Variants in NSG2 observed in about 807,000 individuals in gnomAD.
The protein encoded by NSG2 is neuronal vesicle trafficking associated 2, also known as neuronal vesicle trafficking-associated protein 2.
Under a neutral mutation model 16.9 loss-of-function variants are expected in NSG2, and 4 were observed. The ratio of observed to expected loss-of-function variants is 0.24; its 90% CI spans 0.12 to 0.54. The LOEUF (loss-of-function observed/expected upper bound fraction) is 0.54. Ranked by LOEUF, NSG2 falls within the 20% of genes least tolerant of loss-of-function variation. The pLI is 0.95. For synonymous variants in NSG2, 98 were observed against 88.7 expected, an observed-to-expected ratio of 1.11 and a Z score of -0.59; for missense variants, 179 against 221.1, an observed-to-expected ratio of 0.81 and a Z score of 1.21.
At chr5:174,106,414 G>T (rs1365319812) in intron 4 of NSG2, among the ~76,000 whole-genome samples, 1 of 152,044 alleles carries the variant, frequency 6.6e-6, no homozygotes, top group Non-Finnish European at 1.5e-5. Context: ...ACCTTTGGTG[G>T]AGTGTATTCT....
In NSG2 at chr5:174,055,619, TA is replaced by T. The variant is rs1759957137; in HGVS notation, c.130-8607del. Among the ~76,000 whole-genome samples the T allele has an allele frequency of 2.0e-5, 3 of 151,832 alleles. No homozygotes were observed. The South Asian group carries it at 6.2e-4, about 32-fold the overall frequency. ...TGTCTCAAAAAAATAAAAATAAAAA[TA>T]AAAAAGTAAGTGGGGAGTTATAGAT... On this transcript the variant is annotated intron_variant, in intron 2 of 4. Transcript: ENST00000303177.
intron 3 of NSG2, among the ~76,000 whole-genome samples, chr5:174,097,631 CTGTG>C (rs369472574): frequency 9.8e-4 from 139 of 141,156 alleles, no homozygotes; most frequent in Non-Finnish European, 1.6e-3. Context: ...GTGTGTGTCT[CTGTG>C]TGTGTGTTTC....
intron 3 of NSG2, among the ~76,000 whole-genome samples, chr5:174,065,080 G>T (rs933312624): frequency 1.3e-5 from 2 of 152,030 alleles, no homozygotes; most frequent in Non-Finnish European, 2.9e-5. Context: ...TGTAATCCCA[G>T]CACTTTGGGA....
intron 3 of NSG2, among the ~76,000 whole-genome samples, chr5:174,067,286 G>A (rs1357274654): frequency 6.6e-6 from 1 of 152,146 alleles, no homozygotes; most frequent in Non-Finnish European, 1.5e-5. Flanking sequence ...CTATGGCTCC[G>A]AGAGGTGACA....
At chr5:174,047,093 A>C (rs934242386) in intron 2 of NSG2, among the ~76,000 whole-genome samples, 1 of 152,126 alleles carries the variant, frequency 6.6e-6, no homozygotes, top group Non-Finnish European at 1.5e-5. Context: ...TTTTTTGTTC[A>C]TATCTGCATA....
At chr5:174,099,473 C>T (rs1760866030) in intron 3 of NSG2, among the ~76,000 whole-genome samples, 1 of 152,164 alleles carries the variant, frequency 6.6e-6, no homozygotes, top group South Asian at 2.1e-4. Flanking sequence ...AGCCATCCCC[C>T]TGCAAACATG....
chr5:174,056,922 G>A (rs886523290), intron 2 of NSG2, among the ~76,000 whole-genome samples: 2 of 152,196 alleles, frequency 1.3e-5, no homozygotes, highest in African/African-American at 4.8e-5. Context: ...CCTTGCCAGT[G>A]ACACGGGAAT....
At chr5:174,046,354 C>CGG (rs60922236) in intron 1 of NSG2, among the ~76,000 whole-genome samples, 41 of 148,350 alleles carry the variant, frequency 2.8e-4, no homozygotes, top group Admixed American at 1.4e-3. Context: ...ATACTGCAGG[C>CGG]GGGGGGGGTG....
At chr5:174,055,412 T>C (rs1389672868) in intron 2 of NSG2, among the ~76,000 whole-genome samples, 1 of 149,654 alleles carries the variant, frequency 6.7e-6, no homozygotes, top group Non-Finnish European at 1.5e-5. Flanking sequence ...GCTAACACGG[T>C]GAAACCCCAT....
At chr5:174,067,276 C>T (rs1340803058) in intron 3 of NSG2, among the ~76,000 whole-genome samples, 2 of 152,194 alleles carry the variant, frequency 1.3e-5, no homozygotes, top group African/African-American at 2.4e-5. Context: ...ATATAATCCC[C>T]TATGGCTCCG....
chr5:174,087,718 G>A (rs1760653985), intron 3 of NSG2, among the ~76,000 whole-genome samples: 1 of 151,910 alleles, frequency 6.6e-6, no homozygotes, highest in Non-Finnish European at 1.5e-5. Context: ...TGCCTGGGAG[G>A]CTGAGGCTGC....
chr5:174,068,791 ATGGAAGG>A (rs1760187662), intron 3 of NSG2, among the ~76,000 whole-genome samples: 2 of 79,620 alleles, frequency 2.5e-5, no homozygotes, highest in Non-Finnish European at 4.9e-5. Flanking sequence ...TCCTGGTGCT[ATGGAAGG>A]TGCTGGTGCT....
chr5:174,066,000 G>T (rs1561664314), intron 3 of NSG2, among the ~76,000 whole-genome samples: 1 of 152,228 alleles, frequency 6.6e-6, no homozygotes, highest in Non-Finnish European at 1.5e-5. Context: ...TCTGGGAATT[G>T]AAGCGTATGC....
intron 3 of NSG2, among the ~76,000 whole-genome samples, chr5:174,068,490 C>T (rs1027454380): frequency 1.3e-5 from 2 of 151,972 alleles, no homozygotes; most frequent in African/African-American, 4.8e-5. Flanking sequence ...GGTGCTGGTG[C>T]TGTGGTGGGT....
At chr5:174,083,975 C>T (rs772973216) in intron 3 of NSG2, 1 of 152,164 alleles carries the variant, frequency 6.6e-6, no homozygotes, top group East Asian at 1.9e-4. Flanking sequence ...AATCAGTTTG[C>T]TTTTATCTTC....
At chr5:174,088,189 C>T (rs1317467849) in intron 3 of NSG2, among the ~76,000 whole-genome samples, 7 of 152,180 alleles carry the variant, frequency 4.6e-5, no homozygotes, top group African/African-American at 1.4e-4. Flanking sequence ...CACCTTTCGG[C>T]GTTTTGGGGT....
chr5:174,083,146 G>A (rs1424237357), intron 3 of NSG2, among the ~76,000 whole-genome samples: 1 of 152,188 alleles, frequency 6.6e-6, no homozygotes, highest in Non-Finnish European at 1.5e-5. Context: ...ACTCCCCAGT[G>A]CCATCTCCAT....
intron 2 of NSG2, among the ~76,000 whole-genome samples, chr5:174,061,066 C>CTTGTGGCT (rs1760042024): frequency 6.6e-6 from 1 of 152,028 alleles, no homozygotes; most frequent in South Asian, 2.1e-4. Context: ...TACCCCAAGG[C>CTTGTGGCT]TTGTGGCTCA....
At chr5:174,092,230 T>A (rs1219052887) in intron 3 of NSG2, among the ~76,000 whole-genome samples, 1 of 152,234 alleles carries the variant, frequency 6.6e-6, no homozygotes, top group Non-Finnish European at 1.5e-5. Flanking sequence ...TGCCAGGAGA[T>A]GGGAAGTCAG....
Sources: gnomAD v4.1 joint callset for allele counts (sites outside exome capture counted in the v4.1 genomes callset) on GRCh38, gnomAD v4.1.1 for gene constraint, MANE v1.5 for transcripts, NCBI Gene and HGNC (gene_info 2026-07-23, HGNC 2026-07-21) for gene names.